The following ADGRB3 variants were observed in gnomAD, a reference collection of about 807,000 sequenced individuals.
ADGRB3 encodes adhesion G protein-coupled receptor B3.
ADGRB3 carries 37 observed loss-of-function variants against 193.4 expected under a neutral mutation model. That is an observed-to-expected ratio of 0.19 (90% CI 0.15 to 0.25). ADGRB3 has a LOEUF of 0.25. Among genes scored for constraint, ADGRB3 ranks in the 10% least tolerant of loss-of-function variants. ADGRB3 has a pLI of 1.00. For missense variants in ADGRB3, 1,637 were observed against 1,852.9 expected, an observed-to-expected ratio of 0.88 and a Z score of 2.14; for synonymous variants, 690 against 644.2, an observed-to-expected ratio of 1.07 and a Z score of -1.08.
intron 6 of ADGRB3, among the ~76,000 whole-genome samples, chr6:68,946,465 A>T (rs1310080127): frequency 6.6e-6 from 1 of 152,164 alleles, no homozygotes; most frequent in Non-Finnish European, 1.5e-5. Flanking sequence ...CACTTCTGAA[A>T]ACCTCATATA....
chr6:69,029,702 G>A (rs1316017309), intron 13 of ADGRB3, among the ~76,000 whole-genome samples: 1 of 152,150 alleles, frequency 6.6e-6, no homozygotes, highest in Non-Finnish European at 1.5e-5. Context: ...TGGTGAAGGA[G>A]TGTGCTTGAG....
At chr6:69,299,555 T>C (rs533867946) in intron 20 of ADGRB3, among the ~76,000 whole-genome samples, 2 of 152,106 alleles carry the variant, frequency 1.3e-5, no homozygotes, top group East Asian at 3.9e-4. Context: ...ATTTGATTTT[T>C]GTTTATGGCA....
chr6:69,206,172 T>C (rs60611946), intron 17 of ADGRB3, among the ~76,000 whole-genome samples: 21,047 of 150,174 alleles, frequency 0.14, 1,532 homozygotes, highest in Middle Eastern at 0.16. Context: ...AGTTCCAAAA[T>C]TGAAGAACTT....
At chr6:69,058,060 T>C (rs1441610721) in intron 15 of ADGRB3, among the ~76,000 whole-genome samples, 1 of 151,962 alleles carries the variant, frequency 6.6e-6, no homozygotes, top group Non-Finnish European at 1.5e-5. Flanking sequence ...TGAAGACTTC[T>C]GGTCCTCTAG....
intron 15 of ADGRB3, among the ~76,000 whole-genome samples, chr6:69,050,436 A>G (rs3799021): frequency 0.057 from 8,704 of 152,192 alleles, 259 homozygotes; most frequent in African/African-American, 0.078. Context: ...GACTTCCTCA[A>G]TTTGGATCTA....
At chr6:69,062,692 G>A (rs1054434988) in intron 15 of ADGRB3, among the ~76,000 whole-genome samples, 3 of 151,916 alleles carry the variant, frequency 2.0e-5, no homozygotes, top group African/African-American at 7.2e-5. Flanking sequence ...AAGCTTATCA[G>A]TGCTGTTGCT....
In ADGRB3 at chr6:69,002,366, A is replaced by G. The variant is rs146164764; in HGVS notation, c.1929+8404A>G. ...TTTGAATAGCTGGGACTACAGGTGC[A>G]TACCACCACGCCTGGCTAATTTTTG... On this transcript the variant is annotated intron_variant, in intron 11 of 31. Coordinates refer to ENST00000370598, the MANE Select transcript of ADGRB3 (RefSeq NM_001704.3). Among the ~76,000 whole-genome samples the G allele has an allele frequency of 2.4e-3, 369 of 152,040 alleles. 1 individual carries two copies. The highest frequency in any genetic ancestry group is 3.6e-3 in the Non-Finnish European group (248 of 67,962).
intron 17 of ADGRB3, among the ~76,000 whole-genome samples, chr6:69,206,078 T>TA (rs1554169623): frequency 7.2e-6 from 1 of 139,782 alleles, no homozygotes; most frequent in East Asian, 2.1e-4. Flanking sequence ...TATATATATA[T>TA]GAGTTTATTA....
chr6:68,897,034 G>A (rs1369347239), intron 3 of ADGRB3, among the ~76,000 whole-genome samples: 1 of 152,108 alleles, frequency 6.6e-6, no homozygotes, highest in East Asian at 1.9e-4. Context: ...TCCTATTGTA[G>A]TCATGCTAAG....
intron 11 of ADGRB3, among the ~76,000 whole-genome samples, chr6:69,001,568 A>G (rs1769577649): frequency 2.6e-5 from 4 of 152,318 alleles, no homozygotes; most frequent in Admixed American, 2.6e-4. Context: ...TGAGAAAAGA[A>G]GAGAGCGTGT....
At chr6:69,239,629 T>A (rs1463921075) in intron 20 of ADGRB3, among the ~76,000 whole-genome samples, 1 of 152,024 alleles carries the variant, frequency 6.6e-6, no homozygotes, top group Non-Finnish European at 1.5e-5. Flanking sequence ...TAACTATAAA[T>A]TGCTTACAAG....
At chr6:69,330,466 T>G (rs1582636495) in intron 22 of ADGRB3, 40 bp from the exon 23 acceptor site, 1 of 1,526,100 alleles carries the variant, frequency 6.6e-7, no homozygotes, top group Non-Finnish European at 9.0e-7. Context: ...CTAATACTTG[T>G]CACTAATTTT....
chr6:69,251,316 C>A (rs1450250239), intron 20 of ADGRB3, among the ~76,000 whole-genome samples: 2 of 152,186 alleles, frequency 1.3e-5, no homozygotes, highest in African/African-American at 4.8e-5. Context: ...AAATCCCACT[C>A]CTCTGAAATG....
At chr6:69,304,549 T>C (rs1293917316) in intron 20 of ADGRB3, among the ~76,000 whole-genome samples, 3 of 151,694 alleles carry the variant, frequency 2.0e-5, no homozygotes, top group Non-Finnish European at 4.4e-5. Flanking sequence ...GTTAGCTACA[T>C]TAAGCATAAG....
chr6:68,696,310 A>G (rs1311922383), intron 3 of ADGRB3, among the ~76,000 whole-genome samples: 1 of 151,882 alleles, frequency 6.6e-6, no homozygotes, highest in African/African-American at 2.4e-5. Context: ...ACTTTTCTGC[A>G]TTAAAGATAC....
chr6:69,009,859 A>G (rs995619975), intron 11 of ADGRB3, among the ~76,000 whole-genome samples: 1 of 152,140 alleles, frequency 6.6e-6, no homozygotes, highest in African/African-American at 2.4e-5. Context: ...AGCCTAATCT[A>G]CAACTCTATT....
intron 13 of ADGRB3, among the ~76,000 whole-genome samples, chr6:69,038,949 A>T (rs1770951927): frequency 6.6e-6 from 1 of 152,182 alleles, no homozygotes; most frequent in Admixed American, 6.5e-5. Flanking sequence ...TATAAGTTTT[A>T]AGTTGTGTGC....
intron 17 of ADGRB3, among the ~76,000 whole-genome samples, chr6:69,231,670 T>A (rs1357662651): frequency 2.0e-5 from 3 of 152,132 alleles, no homozygotes; most frequent in Non-Finnish European, 4.4e-5. Context: ...ACTGCTTTTT[T>A]AAAAAATTGG....
chr6:69,192,806 A>G (rs1765221234), intron 17 of ADGRB3, among the ~76,000 whole-genome samples: 1 of 152,148 alleles, frequency 6.6e-6, no homozygotes, highest in South Asian at 2.1e-4. Context: ...CATTAAAGTA[A>G]GTGGAAGGAA....
Sources: gnomAD v4.1 joint callset for allele counts (sites outside exome capture counted in the v4.1 genomes callset) on GRCh38, gnomAD v4.1.1 for gene constraint, MANE v1.5 for transcripts, NCBI Gene and HGNC (gene_info 2026-07-23, HGNC 2026-07-21) for gene names.